FGF14: variants seen among roughly 807,000 people sequenced by gnomAD.
FGF14 encodes fibroblast growth factor 14, also known as fibroblast growth factor homologous factor 4.
A neutral mutation model predicts 25.5 loss-of-function variants in FGF14; 5 were observed. The observed-to-expected ratio is 0.20, with a 90% CI of 0.10 to 0.41. The LOEUF (loss-of-function observed/expected upper bound fraction) is 0.41, where lower values mean the gene tolerates loss of function less well. FGF14 is among the 10% of genes least tolerant of loss of function. The probability of loss-of-function intolerance (pLI) is 1.00; values close to 1 mark genes in which losing one functional copy is unlikely to be tolerated. For synonymous variants in FGF14, 138 were observed against 118.3 expected (o/e 1.17, Z -1.08); for missense variants, 222 against 320.1 (o/e 0.69, Z 2.34).
intron 1 of FGF14, among the ~76,000 whole-genome samples, chr13:101,910,855 T>A (rs901592225): frequency 9.5e-5 from 13 of 137,344 alleles, no homozygotes; most frequent in African/African-American, 4.2e-4. Flanking sequence ...TGTGTGTGTG[T>A]GTGTGTGTGT....
At chr13:102,205,981 T>G (rs2049893313) in intron 1 of FGF14, among the ~76,000 whole-genome samples, 1 of 66,546 alleles carries the variant, frequency 1.5e-5, no homozygotes, top group African/African-American at 4.9e-5. Context: ...AAGCTCCCTG[T>G]GGTAAAAAAA....
intron 1 of FGF14, among the ~76,000 whole-genome samples, chr13:102,245,121 T>C (rs988306478): frequency 1.3e-5 from 2 of 152,104 alleles, no homozygotes; most frequent in Non-Finnish European, 2.9e-5. Flanking sequence ...GTGTGCTCTT[T>C]CTTTAAATGA....
At chr13:102,388,859 A>G (rs2058367711) in intron 1 of FGF14, among the ~76,000 whole-genome samples, 1 of 152,090 alleles carries the variant, frequency 6.6e-6, no homozygotes. Context: ...ACTAATTTTC[A>G]CCACATCCCA....
At chr13:102,033,747 TTA>T (rs1421976556) in intron 1 of FGF14, among the ~76,000 whole-genome samples, 8 of 152,212 alleles carry the variant, frequency 5.3e-5, no homozygotes, top group African/African-American at 1.9e-4. Flanking sequence ...TCTAAAGCAT[TTA>T]TATCAATTTT....
At chr13:101,924,602 ATAAT>A (rs1555318472) in intron 1 of FGF14, among the ~76,000 whole-genome samples, 1 of 152,232 alleles carries the variant, frequency 6.6e-6, no homozygotes, top group Non-Finnish European at 1.5e-5. Context: ...TATTTCGGTC[ATAAT>A]TATTTAAATG....
At chr13:102,215,596 G>A (rs889233862) in intron 1 of FGF14, among the ~76,000 whole-genome samples, 2 of 152,112 alleles carry the variant, frequency 1.3e-5, no homozygotes, top group African/African-American at 2.4e-5. Flanking sequence ...CTAACAGCCA[G>A]GTTAAACCAA....
intron 1 of FGF14, among the ~76,000 whole-genome samples, chr13:102,039,344 A>G (rs1050457920): frequency 1.3e-5 from 2 of 152,128 alleles, no homozygotes; most frequent in Non-Finnish European, 2.9e-5. Flanking sequence ...ACAGCTTCCG[A>G]GTGGGTCTCC....
rs191364218 is a variant in FGF14 at position 102,035,113 on chromosome 13, G to C, written c.209-159817C>G. Among the ~76,000 whole-genome samples the C allele has an allele frequency of 3.9e-5, 6 of 152,162 alleles. No homozygotes were observed. The East Asian group carries it at 1.2e-3, about 30-fold the overall frequency. ...AATCAAGTGAGGTTGTCTGATGCCT[G>C]AGTTGATGAGTCAGACACTGCTCAC... On this transcript the variant is annotated intron_variant, in intron 1 of 4. Coordinates refer to the FGF14 transcript ENST00000376131.
At chr13:102,395,562 C>A (rs1259525511) in intron 1 of FGF14, 1 of 152,172 alleles carries the variant, frequency 6.6e-6, no homozygotes, top group Non-Finnish European at 1.5e-5. Flanking sequence ...TAGCCAAATT[C>A]TTGGTTGGCG....
chr13:102,345,653 G>A (rs760527502), intron 1 of FGF14, among the ~76,000 whole-genome samples: 14 of 152,200 alleles, frequency 9.2e-5, no homozygotes, highest in Admixed American at 2.0e-4. Flanking sequence ...TGGCTCCTAC[G>A]TTATTAAGAA....
intron 3 of FGF14, among the ~76,000 whole-genome samples, chr13:101,837,281 C>G (rs1361300807): frequency 6.6e-6 from 1 of 151,946 alleles, no homozygotes; most frequent in Admixed American, 6.6e-5. Flanking sequence ...TTCTCATTAT[C>G]TGTCCGATTT....
chr13:102,372,058 T>C (rs972424550), intron 1 of FGF14, among the ~76,000 whole-genome samples: 1 of 152,182 alleles, frequency 6.6e-6, no homozygotes, highest in Non-Finnish European at 1.5e-5. Flanking sequence ...CTTTTCTTTA[T>C]TGATATTAAT....
At chr13:101,843,914 T>G (rs2043318584) in intron 3 of FGF14, among the ~76,000 whole-genome samples, 1 of 152,068 alleles carries the variant, frequency 6.6e-6, no homozygotes, top group African/African-American at 2.4e-5. Context: ...GTTAGTTATC[T>G]ATATCTTTCA....
chr13:101,805,379 A>G (rs912508078), intron 3 of FGF14, among the ~76,000 whole-genome samples: 1 of 152,178 alleles, frequency 6.6e-6, no homozygotes, highest in African/African-American at 2.4e-5. Flanking sequence ...TTAAAATATA[A>G]GAAATATAAA....
At chr13:102,357,437 A>G (rs2057450732) in intron 1 of FGF14, among the ~76,000 whole-genome samples, 2 of 152,188 alleles carry the variant, frequency 1.3e-5, no homozygotes, top group East Asian at 1.9e-4. Flanking sequence ...AAATAACAGA[A>G]TAAGAACTCC....
chr13:101,811,153 C>T (rs2041490235), intron 3 of FGF14, among the ~76,000 whole-genome samples: 1 of 151,072 alleles, frequency 6.6e-6, no homozygotes, highest in Non-Finnish European at 1.5e-5. Flanking sequence ...AGGGTTCACT[C>T]TTGGTGCTGC....
intron 1 of FGF14, among the ~76,000 whole-genome samples, chr13:101,896,988 A>T (rs1053732982): frequency 3.9e-5 from 6 of 152,170 alleles, no homozygotes; most frequent in Non-Finnish European, 8.8e-5. Context: ...GATAAGAAAG[A>T]TGGAAGTAAG....
intron 1 of FGF14, among the ~76,000 whole-genome samples, chr13:102,363,000 T>C (rs1594951040): frequency 6.6e-6 from 1 of 152,088 alleles, no homozygotes; most frequent in East Asian, 1.9e-4. Context: ...AAAAAACTCA[T>C]GAAAAATAGT....
intron 1 of FGF14, among the ~76,000 whole-genome samples, chr13:102,155,751 T>G (rs1008990829): frequency 8.0e-5 from 12 of 150,834 alleles, no homozygotes; most frequent in Non-Finnish European, 1.3e-4. Flanking sequence ...TCAACAAAAT[T>G]GATAGACCAC....
Sources: allele counts gnomAD v4.1 joint callset (sites outside exome capture counted in the v4.1 genomes callset), GRCh38; gene constraint gnomAD v4.1.1; transcripts MANE v1.5; gene names NCBI Gene and HGNC (gene_info 2026-07-23, HGNC 2026-07-21).